CCDC7: variants seen among roughly 807,000 people sequenced by gnomAD.
The protein encoded by CCDC7 is coiled-coil domain containing 7.
Under a neutral mutation model 196.9 loss-of-function variants are expected in CCDC7, and 183 were observed. The observed-to-expected ratio is 0.93, with a 90% CI of 0.82 to 1.05. The LOEUF (loss-of-function observed/expected upper bound fraction) is 1.05, where lower values mean the gene tolerates loss of function less well. Ranked by LOEUF, CCDC7 falls within the 50% of genes least tolerant of loss-of-function variation. The pLI is 0.00. For synonymous variants in CCDC7, 525 were observed against 484.6 expected (o/e 1.08, Z -1.10); for missense variants, 1,540 against 1,482.2 (o/e 1.04, Z -0.64).
At chr10:32,550,993 G>A (rs1287539157) in intron 13 of CCDC7, among the ~76,000 whole-genome samples, 13 of 151,938 alleles carry the variant, frequency 8.6e-5, no homozygotes, top group Admixed American at 6.6e-4. Context: ...TTCTTTGAAC[G>A]TCTGGTAGAA....
At chr10:32,768,123 C>T (rs1228264680) in intron 28 of CCDC7, among the ~76,000 whole-genome samples, 1 of 151,950 alleles carries the variant, frequency 6.6e-6, no homozygotes, top group Admixed American at 6.6e-5. Context: ...ATTTAAATAA[C>T]ATTATTTAAA....
chr10:32,701,247 T>G (rs1476180100), intron 24 of CCDC7, among the ~76,000 whole-genome samples: 1 of 152,188 alleles, frequency 6.6e-6, no homozygotes, highest in Non-Finnish European at 1.5e-5. Flanking sequence ...CCTAATTTAT[T>G]GAGAGTTTTT....
intron 2 of CCDC7, among the ~76,000 whole-genome samples, chr10:32,455,279 A>ATATT (rs72086158): frequency 8.1e-4 from 119 of 146,974 alleles, no homozygotes; most frequent in African/African-American, 2.7e-3. Flanking sequence ...GCCTCTCAGC[A>ATATT]TATTTATTTA....
chr10:32,561,095 C>G (rs1192624702), intron 13 of CCDC7, among the ~76,000 whole-genome samples: 2 of 152,146 alleles, frequency 1.3e-5, no homozygotes, highest in Non-Finnish European at 2.9e-5. Flanking sequence ...GTAAAGGGAT[C>G]AATTCAACAA....
At chr10:32,510,880 AG>A (rs1410194566) in intron 9 of CCDC7, among the ~76,000 whole-genome samples, 4 of 151,998 alleles carry the variant, frequency 2.6e-5, no homozygotes, top group Non-Finnish European at 5.9e-5. Flanking sequence ...TGAACATTTA[AG>A]TCATTTCATG....
intron 41 of CCDC7, among the ~76,000 whole-genome samples, chr10:32,870,004 A>G (rs1464763499): frequency 6.6e-6 from 1 of 152,022 alleles, no homozygotes; most frequent in Non-Finnish European, 1.5e-5. Context: ...GTAGCCTTGT[A>G]GTATAGTTGG....
At chr10:32,530,617 A>G (rs1456743908) in intron 11 of CCDC7, among the ~76,000 whole-genome samples, 1 of 150,854 alleles carries the variant, frequency 6.6e-6, no homozygotes, top group Non-Finnish European at 1.5e-5. Flanking sequence ...GTATCCTGCA[A>G]CTTTATTGAA....
At chr10:32,643,487 A>G (rs947021821) in intron 20 of CCDC7, among the ~76,000 whole-genome samples, 1 of 151,886 alleles carries the variant, frequency 6.6e-6, no homozygotes, top group South Asian at 2.1e-4. Flanking sequence ...AGAACGTTTC[A>G]ATGTTTTAAT....
At chr10:32,537,200 G>T (rs892775758) in intron 11 of CCDC7, among the ~76,000 whole-genome samples, 6 of 152,226 alleles carry the variant, frequency 3.9e-5, no homozygotes, top group Non-Finnish European at 8.8e-5. Context: ...CATTCTGACT[G>T]GTATGAGATG....
At chr10:32,630,557 C>T (rs967250160) in intron 18 of CCDC7, among the ~76,000 whole-genome samples, 19 of 151,760 alleles carry the variant, frequency 1.3e-4, no homozygotes, top group Non-Finnish European at 1.9e-4. Context: ...AGACAGACCC[C>T]GATACAATAA....
chr10:32,675,558 C>T (rs1342164357), intron 21 of CCDC7: 1 of 152,260 alleles, frequency 6.6e-6, no homozygotes, highest in East Asian at 1.9e-4. Flanking sequence ...ACCACTATTA[C>T]AGTATTACAT....
intron 18 of CCDC7, among the ~76,000 whole-genome samples, chr10:32,589,028 T>C (rs529745740): frequency 3.3e-4 from 50 of 152,268 alleles, no homozygotes; most frequent in Admixed American, 1.6e-3. Context: ...TTATACTTTC[T>C]TAGTTATTTT....
At chr10:32,784,252 T>C (rs1716539982) in intron 29 of CCDC7, among the ~76,000 whole-genome samples, 1 of 151,568 alleles carries the variant, frequency 6.6e-6, no homozygotes, top group Non-Finnish European at 1.5e-5. Flanking sequence ...AGGGTACATG[T>C]GCAGGATGTG....
At chr10:32,702,379 G>T (rs575482643) in intron 24 of CCDC7, among the ~76,000 whole-genome samples, 1 of 152,320 alleles carries the variant, frequency 6.6e-6, no homozygotes, top group African/African-American at 2.4e-5. Flanking sequence ...ACTGTGGTCT[G>T]AGAGACAGTT....
chr10:32,598,472 C>T (rs954462564), intron 18 of CCDC7, among the ~76,000 whole-genome samples: 6 of 152,208 alleles, frequency 3.9e-5, no homozygotes, highest in South Asian at 2.1e-4. Context: ...CGATGCCCTG[C>T]CCTGCTCCGT....
chr10:32,874,157 A>G (rs1032850745), intron 41 of CCDC7, among the ~76,000 whole-genome samples: 3 of 148,996 alleles, frequency 2.0e-5, no homozygotes, highest in African/African-American at 4.9e-5. Flanking sequence ...ATATGTACAT[A>G]TATAATTATA....
chr10:32,542,582 G>A (rs2051641875), intron 11 of CCDC7, among the ~76,000 whole-genome samples: 1 of 133,688 alleles, frequency 7.5e-6, no homozygotes, highest in Admixed American at 9.2e-5. Context: ...GCAGTGAGCC[G>A]AGATCATGCC....
chr10:32,706,453 A>T (rs2079769874), intron 24 of CCDC7, among the ~76,000 whole-genome samples: 1 of 152,138 alleles, frequency 6.6e-6, no homozygotes. Flanking sequence ...AGCAGAAACC[A>T]GGAAATAACT....
At chr10:32,461,876 A>G (rs1195162993) in intron 3 of CCDC7, among the ~76,000 whole-genome samples, 1 of 150,900 alleles carries the variant, frequency 6.6e-6, no homozygotes, top group East Asian at 1.9e-4. Flanking sequence ...GGTTCAAGTG[A>G]TTCTTCTGCC....
Sources: gnomAD v4.1 joint callset for allele counts (sites outside exome capture counted in the v4.1 genomes callset) on GRCh38, gnomAD v4.1.1 for gene constraint, MANE v1.5 for transcripts, NCBI Gene and HGNC (gene_info 2026-07-23, HGNC 2026-07-21) for gene names.